Variants in FGGY observed in about 807,000 individuals in gnomAD.
The protein encoded by FGGY is FGGY carbohydrate kinase domain containing, also known as FGGY carbohydrate kinase domain-containing protein.
FGGY carries 72 observed loss-of-function variants against 71.3 expected under a neutral mutation model. The ratio of observed to expected loss-of-function variants is 1.01; its 90% CI spans 0.84 to 1.23. The LOEUF (loss-of-function observed/expected upper bound fraction) is 1.23, where lower values mean the gene tolerates loss of function less well. FGGY is among the 50% of genes most tolerant of loss of function. The pLI is 0.00. For synonymous variants in FGGY, 251 were observed against 250.3 expected (o/e 1.00, Z -0.02); for missense variants, 668 against 682.3 (o/e 0.98, Z 0.23).
At chr1:59,641,878 GC>G (rs1277016313) in intron 11 of FGGY, among the ~76,000 whole-genome samples, 3 of 152,166 alleles carry the variant, frequency 2.0e-5, no homozygotes, top group Non-Finnish European at 2.9e-5. Flanking sequence ...TTGCATAAAA[GC>G]ACAAGGTTCT....
chr1:59,612,878 C>G (rs1288667612), intron 9 of FGGY, among the ~76,000 whole-genome samples: 6 of 152,036 alleles, frequency 3.9e-5, no homozygotes, highest in Admixed American at 1.3e-4. Context: ...TTTAAACCAA[C>G]AAAGATCAAA....
intron 11 of FGGY, 151 bp from the exon 12 acceptor site, chr1:59,660,068 T>C: frequency 4.7e-6 from 3 of 637,704 alleles, no homozygotes; most frequent in Non-Finnish European, 8.3e-6. Flanking sequence ...AACAACTTAA[T>C]AGGCATTTCA....
At chr1:59,584,557 A>G (rs2096251241) in intron 8 of FGGY, among the ~76,000 whole-genome samples, 1 of 150,030 alleles carries the variant, frequency 6.7e-6, no homozygotes, top group Non-Finnish European at 1.5e-5. Flanking sequence ...ACCCACAGCC[A>G]ATATCATACT....
intron 4 of FGGY, among the ~76,000 whole-genome samples, chr1:59,368,661 G>GTA (rs2056990654): frequency 2.0e-5 from 3 of 152,256 alleles, no homozygotes; most frequent in African/African-American, 7.2e-5. Flanking sequence ...GGCTGGGATT[G>GTA]TATGGGCCAG....
intron 11 of FGGY, among the ~76,000 whole-genome samples, chr1:59,653,517 C>T (rs1032000696): frequency 3.9e-5 from 6 of 152,226 alleles, no homozygotes; most frequent in Non-Finnish European, 8.8e-5. Context: ...CCCGATTTTC[C>T]AGGTGCGTCC....
intron 5 of FGGY, among the ~76,000 whole-genome samples, chr1:59,453,852 A>C (rs1029084151): frequency 6.6e-6 from 1 of 152,164 alleles, no homozygotes; most frequent in African/African-American, 2.4e-5. Context: ...GTAGGAAAGG[A>C]AGCCCTGCCT....
At chr1:59,459,035 G>A (rs2091961191) in intron 6 of FGGY, among the ~76,000 whole-genome samples, 1 of 152,156 alleles carries the variant, frequency 6.6e-6, no homozygotes, top group Non-Finnish European at 1.5e-5. Flanking sequence ...AAACCTTTTA[G>A]CAGATTTGAG....
intron 4 of FGGY, among the ~76,000 whole-genome samples, chr1:59,361,197 A>G (rs2055436297): frequency 6.6e-6 from 1 of 152,234 alleles, no homozygotes; most frequent in South Asian, 2.1e-4. Flanking sequence ...ACGTTCATTC[A>G]TTCAGCAAAT....
rs1573375935 is a variant in FGGY at position 59,697,501 on chromosome 1, T to C, written c.1512+23368T>C. On this transcript the variant is annotated intron_variant, in intron 14 of 15. Coordinates refer to ENST00000303721, the MANE Select transcript of FGGY (RefSeq NM_018291.5). ...CATTTAGCATAATGTTCTCAAGGTT[T>C]ATCCATGCTGTAGCACGTATCAGAA... The C allele has an allele frequency of 7.6e-6, 3 of 395,042 alleles. No individual in the cohort carries two copies. The East Asian group carries it at 2.4e-4, about 32-fold the overall frequency. 24.5% of individuals were successfully genotyped at this position (395,042 alleles called of 1,614,324 possible).
intron 14 of FGGY, among the ~76,000 whole-genome samples, chr1:59,748,019 AAAT>A (rs999657135): frequency 2.0e-5 from 3 of 152,314 alleles, no homozygotes; most frequent in African/African-American, 7.2e-5. Context: ...TTGTAAATTT[AAAT>A]AATAAGACCT....
At chr1:59,534,778 T>G (rs1173572167) in intron 7 of FGGY, among the ~76,000 whole-genome samples, 3 of 151,762 alleles carry the variant, frequency 2.0e-5, no homozygotes, top group Non-Finnish European at 4.4e-5. Flanking sequence ...GACAAGCAAA[T>G]GCTGAGAGAT....
intron 15 of FGGY, among the ~76,000 whole-genome samples, chr1:59,758,983 AGGG>A (rs1012196683): frequency 2.6e-5 from 4 of 152,286 alleles, no homozygotes; most frequent in Admixed American, 2.6e-4. Flanking sequence ...CAGGGGGCTC[AGGG>A]TAGAAATAGA....
chr1:59,334,959 G>C (rs903309270), intron 2 of FGGY, among the ~76,000 whole-genome samples: 3 of 152,012 alleles, frequency 2.0e-5, no homozygotes, highest in African/African-American at 7.3e-5. Flanking sequence ...CCACCCTCAG[G>C]AGCAACCACT....
chr1:59,444,687 C>T (rs1306086138), intron 5 of FGGY, among the ~76,000 whole-genome samples: 1 of 152,172 alleles, frequency 6.6e-6, no homozygotes, highest in Non-Finnish European at 1.5e-5. Flanking sequence ...CTCAAAGGAA[C>T]AGGAACCCTA....
At chr1:59,761,520 T>G (rs2098340635) in intron 15 of FGGY, among the ~76,000 whole-genome samples, 1 of 152,198 alleles carries the variant, frequency 6.6e-6, no homozygotes, top group African/African-American at 2.4e-5. Flanking sequence ...CCATGTCAGC[T>G]TCCCAACCAA....
At chr1:59,370,621 G>C (rs1187544834) in intron 4 of FGGY, among the ~76,000 whole-genome samples, 4 of 151,728 alleles carry the variant, frequency 2.6e-5, no homozygotes. Flanking sequence ...CACCAAAGTT[G>C]AAATGAAGGA....
At chr1:59,608,719 G>C (rs1468594347) in intron 9 of FGGY, among the ~76,000 whole-genome samples, 1 of 152,088 alleles carries the variant, frequency 6.6e-6, no homozygotes, top group African/African-American at 2.4e-5. Context: ...TGTAATCTCA[G>C]CTACTCAGAT....
rs138729103 is a variant in FGGY at position 59,620,619 on chromosome 1, A to G, written c.1012-5369A>G. ...CTTTTGGATTAAATGACTATTTTTC[A>G]ATTTTAAGAATTCAATTTTAAGTTA... On this transcript the variant is annotated intron_variant, in intron 9 of 15. Coordinates refer to ENST00000303721, the MANE Select transcript of FGGY (RefSeq NM_018291.5). Among the ~76,000 whole-genome samples the G allele has an allele frequency of 3.4e-3, 515 of 151,888 alleles. 4 individuals carry two copies. Among genetic ancestry groups the G allele is most frequent in the African/African-American group, 0.012 (492 of 41,404 alleles).
intron 14 of FGGY, 86 bp downstream of exon 14, chr1:59,674,219 T>C: frequency 1.1e-6 from 1 of 922,144 alleles, no homozygotes; most frequent in Non-Finnish European, 1.7e-6. Flanking sequence ...TTTTACAAAA[T>C]ACACACAGGA....
Sources: allele counts gnomAD v4.1 joint callset (sites outside exome capture counted in the v4.1 genomes callset), GRCh38; gene constraint gnomAD v4.1.1; transcripts MANE v1.5; gene names NCBI Gene and HGNC (gene_info 2026-07-23, HGNC 2026-07-21).